PACS1: variants seen among roughly 807,000 people sequenced by gnomAD.
The protein encoded by PACS1 is PACS-1.
Under a neutral mutation model 115.0 loss-of-function variants are expected in PACS1, and 24 were observed. That is an observed-to-expected ratio of 0.21 (90% CI 0.15 to 0.29). PACS1 has a LOEUF of 0.29. PACS1 is among the 10% of genes least tolerant of loss of function. The pLI, the probability that PACS1 is intolerant of heterozygous loss-of-function variation, is 1.00. For missense variants in PACS1, 838 were observed against 1,251.2 expected (o/e 0.67, Z 4.98); for synonymous variants, 453 against 504.5 (o/e 0.90, Z 1.37).
intron 2 of PACS1, among the ~76,000 whole-genome samples, chr11:66,195,958 T>C (rs1414609778): frequency 6.6e-6 from 1 of 152,222 alleles, no homozygotes; most frequent in South Asian, 2.1e-4. Context: ...GCATGTTGAC[T>C]TTTGCACTGA....
chr11:66,154,291 T>C (rs1354051222), intron 1 of PACS1, among the ~76,000 whole-genome samples: 1 of 151,878 alleles, frequency 6.6e-6, no homozygotes, highest in Non-Finnish European at 1.5e-5. Context: ...TTTTAAAAAT[T>C]AGCTTATTGT....
intron 1 of PACS1, among the ~76,000 whole-genome samples, chr11:66,189,221 C>T (rs1050777919): frequency 3.3e-5 from 5 of 151,986 alleles, no homozygotes; most frequent in African/African-American, 1.2e-4. Context: ...CCATTGAAAA[C>T]AAACAAAAAA....
chr11:66,216,389 C>A, intron 5 of PACS1, 126 bp downstream of exon 5: 2 of 1,419,108 alleles, frequency 1.4e-6, no homozygotes, highest in South Asian at 1.2e-5. Context: ...TAAAATGTGG[C>A]TTCGGCCCTG....
intron 1 of PACS1, among the ~76,000 whole-genome samples, chr11:66,148,121 A>C (rs1009693384): frequency 6.6e-6 from 1 of 152,192 alleles, no homozygotes; most frequent in Non-Finnish European, 1.5e-5. Context: ...CTAGTTGGGC[A>C]GTAGCCATTA....
chr11:66,174,050 C>CA lies in PACS1; in HGVS notation c.357-19425dup, dbSNP rs996059584. Among the ~76,000 whole-genome samples the CA allele has an allele frequency of 5.8e-3, 789 of 135,278 alleles. 5 individuals carry two copies. Among genetic ancestry groups the CA allele is most frequent in the African/African-American group, 0.018 (648 of 36,664 alleles). 88.7% of individuals were successfully genotyped at this position (135,278 alleles called of 152,430 possible). A position where few individuals can be genotyped will look rare whatever the true frequency, so the allele number is the denominator to read the frequency against. On this transcript the variant is annotated intron_variant, in intron 1 of 23. Transcript: ENST00000320580. ...TGGGCAACGGAGCAAGACTCTGTCT[C>CA]AAAAAAAAAAAGGCAAAAGATTTGA...
chr11:66,127,833 G>T (rs187937166), intron 1 of PACS1, among the ~76,000 whole-genome samples: 13 of 152,288 alleles, frequency 8.5e-5, no homozygotes, highest in Non-Finnish European at 1.8e-4. Flanking sequence ...AAGTGAGACA[G>T]AAAAAGGCAT....
At chr11:66,117,248 G>A (rs1472672926) in intron 1 of PACS1, among the ~76,000 whole-genome samples, 2 of 151,888 alleles carry the variant, frequency 1.3e-5, no homozygotes, top group East Asian at 1.9e-4. Flanking sequence ...ATCACTTGAG[G>A]TCAGGAGTTT....
At chr11:66,121,056 A>G (rs777646085) in intron 1 of PACS1, 2 of 456,044 alleles carry the variant, frequency 4.4e-6, no homozygotes, top group African/African-American at 2.0e-5. Flanking sequence ...ATTTGTGGCA[A>G]CCCTACGTTG....
chr11:66,240,308 A>G (rs1855786050), intron 21 of PACS1, among the ~76,000 whole-genome samples: 1 of 152,028 alleles, frequency 6.6e-6, no homozygotes, highest in African/African-American at 2.4e-5. Flanking sequence ...CAGGGGGCAG[A>G]GAGAGGGTGG....
At chr11:66,123,292 A>G (rs1858488490) in intron 1 of PACS1, among the ~76,000 whole-genome samples, 1 of 151,224 alleles carries the variant, frequency 6.6e-6, no homozygotes, top group Non-Finnish European at 1.5e-5. Context: ...TCTGGGTTCA[A>G]GCAATTCTCC....
rs1024958387 is a variant in PACS1, at chr11:66,156,339, G to GC, written c.357-37141dup. The stretch of plus-strand genomic sequence containing the variant: ...GTGATCTCGGCTCACTGCAACTTCT[G>GC]CCCCCCGGGTTCAAGCCATTCTCCT... On this transcript the variant is annotated intron_variant, in intron 1 of 23. Transcript: ENST00000320580. Among the ~76,000 whole-genome samples the GC allele has an allele frequency of 2.1e-3, 299 of 144,060 alleles. 2 individuals are homozygous for GC. The highest frequency in any genetic ancestry group is 7.3e-3 in the African/African-American group (283 of 39,030). The allele number at this position is 144,060 out of a possible 152,430, so 94.5% of individuals were successfully genotyped here.
chr11:66,172,109 A>G (rs1044718556), intron 1 of PACS1, among the ~76,000 whole-genome samples: 2 of 152,216 alleles, frequency 1.3e-5, no homozygotes, highest in Non-Finnish European at 2.9e-5. Context: ...TTCTTGTTTT[A>G]TAAAAGCAAT....
chr11:66,076,568 T>C (rs2134495072), intron 1 of PACS1, among the ~76,000 whole-genome samples: 1 of 152,322 alleles, frequency 6.6e-6, no homozygotes, highest in South Asian at 2.1e-4. Flanking sequence ...CATTTTTGTA[T>C]TTTTAGTAGA....
intron 1 of PACS1, among the ~76,000 whole-genome samples, chr11:66,096,527 G>A (rs1431738966): frequency 1.4e-5 from 2 of 147,562 alleles, no homozygotes; most frequent in South Asian, 2.1e-4. Flanking sequence ...TTTGAGACGG[G>A]AGTTTCACTC....
At chr11:66,208,778 T>A (rs1855004676) in intron 2 of PACS1, among the ~76,000 whole-genome samples, 1 of 151,998 alleles carries the variant, frequency 6.6e-6, no homozygotes, top group African/African-American at 2.4e-5. Flanking sequence ...ATAAAAATCA[T>A]GCCCTTAGAA....
intron 1 of PACS1, among the ~76,000 whole-genome samples, chr11:66,098,938 C>T (rs1310978538): frequency 6.6e-6 from 1 of 152,232 alleles, no homozygotes; most frequent in African/African-American, 2.4e-5. Context: ...AGCCCTGTTA[C>T]TGCTGTTGTT....
At chr11:66,145,317 G>A (rs1210337136) in intron 1 of PACS1, among the ~76,000 whole-genome samples, 2 of 152,142 alleles carry the variant, frequency 1.3e-5, no homozygotes, top group African/African-American at 4.8e-5. Context: ...AGCAGGCCGT[G>A]AAAACTAACA....
chr11:66,169,180 C>A (rs1252444085), intron 1 of PACS1, among the ~76,000 whole-genome samples: 1 of 150,506 alleles, frequency 6.6e-6, no homozygotes, highest in East Asian at 1.9e-4. Flanking sequence ...CTGTAGATTT[C>A]TGATGTGTAT....
intron 1 of PACS1, among the ~76,000 whole-genome samples, chr11:66,088,284 TC>T (rs1262775791): frequency 6.6e-6 from 1 of 152,188 alleles, no homozygotes; most frequent in Non-Finnish European, 1.5e-5. Flanking sequence ...ATCAATTTTT[TC>T]CTTTGTTTAG....
Sources: allele counts gnomAD v4.1 joint callset (sites outside exome capture counted in the v4.1 genomes callset), GRCh38; gene constraint gnomAD v4.1.1; transcripts MANE v1.5; gene names NCBI Gene and HGNC (gene_info 2026-07-23, HGNC 2026-07-21).